NFIA: variants seen among roughly 807,000 people sequenced by gnomAD.
NFIA encodes the protein nuclear factor 1 A-type.
Under a neutral mutation model 62.8 loss-of-function variants are expected in NFIA, and 8 were observed. The observed-to-expected ratio is 0.13, with a 90% CI of 0.07 to 0.23. The LOEUF is 0.23. NFIA is among the 10% of genes least tolerant of loss of function. The pLI, the probability that NFIA is intolerant of heterozygous loss-of-function variation, is 1.00. For missense variants in NFIA, 410 were observed against 642.1 expected, an observed-to-expected ratio of 0.64 and a Z score of 3.91; for synonymous variants, 235 against 238.1, an observed-to-expected ratio of 0.99 and a Z score of 0.12.
At chr1:61,217,724 C>G (rs1221179497) in intron 2 of NFIA, among the ~76,000 whole-genome samples, 1 of 152,192 alleles carries the variant, frequency 6.6e-6, no homozygotes, top group African/African-American at 2.4e-5. Context: ...GAAAGGCTCA[C>G]AGTCTTACTG....
intron 3 of NFIA, among the ~76,000 whole-genome samples, chr1:61,316,420 T>C (rs1570567609): frequency 6.6e-6 from 1 of 151,984 alleles, no homozygotes; most frequent in Non-Finnish European, 1.5e-5. Context: ...CACTGGAGGG[T>C]ATTTTCCTCC....
At chr1:61,272,505 T>A (rs187100641) in intron 2 of NFIA, among the ~76,000 whole-genome samples, 10 of 152,312 alleles carry the variant, frequency 6.6e-5, no homozygotes, top group Admixed American at 2.6e-4. Context: ...AGAGTAATTT[T>A]AAAAATTATG....
At chr1:61,083,889 T>C (rs1646169788) in intron 1 of NFIA, among the ~76,000 whole-genome samples, 1 of 152,086 alleles carries the variant, frequency 6.6e-6, no homozygotes, top group South Asian at 2.1e-4. Flanking sequence ...GCCTCTCCTT[T>C]CCGTGCCCCC....
chr1:61,254,531 T>C (rs1184371942), intron 2 of NFIA, among the ~76,000 whole-genome samples: 1 of 152,178 alleles, frequency 6.6e-6, no homozygotes, highest in African/African-American at 2.4e-5. Context: ...ACTCCTTCTG[T>C]TGGATAGGCA....
intron 10 of NFIA, among the ~76,000 whole-genome samples, chr1:61,441,884 A>G (rs1461588965): frequency 6.6e-6 from 1 of 151,442 alleles, no homozygotes; most frequent in Non-Finnish European, 1.5e-5. Context: ...CTCCCTTCAC[A>G]CCACCCCCCT....
chr1:61,219,577 G>A (rs899134902), intron 2 of NFIA, among the ~76,000 whole-genome samples: 5 of 151,836 alleles, frequency 3.3e-5, no homozygotes, highest in South Asian at 2.1e-4. Context: ...AGCCGGGCGT[G>A]GTGGCGGGCG....
chr1:61,261,258 C>T (rs1453260161), intron 2 of NFIA, among the ~76,000 whole-genome samples: 1 of 152,172 alleles, frequency 6.6e-6, no homozygotes, highest in Non-Finnish European at 1.5e-5. Context: ...CCCTCTGTTG[C>T]ACTCACATTT....
chr1:61,107,876 G>A (rs553414778), intron 2 of NFIA, among the ~76,000 whole-genome samples: 1 of 151,652 alleles, frequency 6.6e-6, no homozygotes, highest in African/African-American at 2.4e-5. Context: ...CTGTATGAAT[G>A]GACAGTTTTC....
chr1:61,399,498 G>C (rs1370535985), intron 7 of NFIA, among the ~76,000 whole-genome samples: 2 of 152,156 alleles, frequency 1.3e-5, no homozygotes, highest in African/African-American at 4.8e-5. Flanking sequence ...AACGGTTCAT[G>C]GACAAGGAAT....
chr1:61,348,154 T>G (rs1662347775), intron 4 of NFIA, among the ~76,000 whole-genome samples: 2 of 152,214 alleles, frequency 1.3e-5, no homozygotes, highest in Non-Finnish European at 2.9e-5. Flanking sequence ...CAAGGATACT[T>G]TGATAGGGAC....
At chr1:61,202,372 A>G (rs75697955) in intron 2 of NFIA, among the ~76,000 whole-genome samples, 2,399 of 152,300 alleles carry the variant, frequency 0.016, 73 homozygotes, top group African/African-American at 0.055. Context: ...TAAGATTCAT[A>G]TGGCAGGGTT....
chr1:61,303,558 G>A (rs138713485), intron 3 of NFIA, among the ~76,000 whole-genome samples: 6 of 152,286 alleles, frequency 3.9e-5, no homozygotes, highest in African/African-American at 9.6e-5. Flanking sequence ...GATTTCCTTG[G>A]GGAAGACTAG....
chr1:61,430,081 T>G (rs1032105660), intron 10 of NFIA, among the ~76,000 whole-genome samples: 6 of 152,208 alleles, frequency 3.9e-5, no homozygotes, highest in African/African-American at 1.4e-4. Context: ...AATGTTACAT[T>G]GTGTGTATTT....
intron 3 of NFIA, among the ~76,000 whole-genome samples, chr1:61,313,294 G>T (rs369482887): frequency 6.6e-6 from 1 of 152,198 alleles, no homozygotes; most frequent in Non-Finnish European, 1.5e-5. Flanking sequence ...ACTGGTCTGT[G>T]GGCTGTGCAG....
chr1:61,085,867 A>T (rs969678251), intron 1 of NFIA, among the ~76,000 whole-genome samples: 1 of 152,134 alleles, frequency 6.6e-6, no homozygotes, highest in Non-Finnish European at 1.5e-5. Flanking sequence ...GATTTTTATG[A>T]TGAGATATAT....
At chr1:61,264,980 CG>C in intron 2 of NFIA, among the ~76,000 whole-genome samples, 1 of 152,226 alleles carries the variant, frequency 6.6e-6, no homozygotes, top group Non-Finnish European at 1.5e-5. Flanking sequence ...TCTTTGAAAG[CG>C]TTTCAGGATT....
chr1:61,250,178 C>A (rs930251772), intron 2 of NFIA: 1 of 152,122 alleles, frequency 6.6e-6, no homozygotes, highest in Non-Finnish European at 1.5e-5. Flanking sequence ...CAAGACAAAG[C>A]GTACATTGCT....
chr1:61,198,979 C>T (rs1331073631), intron 2 of NFIA, among the ~76,000 whole-genome samples: 4 of 152,168 alleles, frequency 2.6e-5, no homozygotes, highest in African/African-American at 7.2e-5. Flanking sequence ...AGTTGGAAAA[C>T]GGCCTTTGCC....
At chr1:61,217,732 C>A (rs1653726207) in intron 2 of NFIA, among the ~76,000 whole-genome samples, 1 of 152,172 alleles carries the variant, frequency 6.6e-6, no homozygotes, top group Non-Finnish European at 1.5e-5. Context: ...CACAGTCTTA[C>A]TGCAGAATGA....
Sources: gnomAD v4.1 joint callset for allele counts (sites outside exome capture counted in the v4.1 genomes callset) on GRCh38, gnomAD v4.1.1 for gene constraint, MANE v1.5 for transcripts, NCBI Gene and HGNC (gene_info 2026-07-23, HGNC 2026-07-21) for gene names.